The following LBR variants were observed in gnomAD, a reference collection of about 807,000 sequenced individuals.
LBR encodes lamin B receptor, also known as delta(14)-sterol reductase LBR.
LBR carries 28 observed loss-of-function variants against 74.3 expected under a neutral mutation model. That is an observed-to-expected ratio of 0.38 (90% confidence interval 0.28 to 0.52). The LOEUF (loss-of-function observed/expected upper bound fraction) is 0.52, where lower values mean the gene tolerates loss of function less well. Among genes scored for constraint, LBR ranks in the 20% least tolerant of loss-of-function variants. The probability of loss-of-function intolerance (pLI) is 0.89; values close to 1 mark genes in which losing one functional copy is unlikely to be tolerated. For synonymous variants in LBR, 228 were observed against 269.3 expected, an observed-to-expected ratio of 0.85 and a Z score of 1.50; for missense variants, 717 against 760.3, an observed-to-expected ratio of 0.94 and a Z score of 0.67.
chr1:225,425,540 G>T (rs2096137474), intron 1 of LBR, among the ~76,000 whole-genome samples: 1 of 152,084 alleles, frequency 6.6e-6, no homozygotes, highest in African/African-American at 2.4e-5. Flanking sequence ...GTCACCCGAG[G>T]GGCACTTAGG....
In LBR at chr1:225,412,585, T is replaced by A; in HGVS notation, c.953A>T (p.Glu318Val). The A allele has an allele frequency of 6.2e-7, 1 of 1,612,556 alleles. No homozygotes were observed. The highest frequency in any genetic ancestry group is 8.5e-7 in the Non-Finnish European group (1 of 1,179,812). ...AAAATGACTGTACACGTAATGAAAC[T>A]CTACGCCCTGGAAGAGAGATGTTCC... ...VIGTSLFQGV[E>V]FHYVYSHFLQ... Residue 318 changes from glutamate to valine, a missense_variant, in exon 8 of 14, where the codon GAG becomes GTG. Glu to Val is a moderately radical substitution (Grantham distance 121). Transcript: ENST00000272163.
Position 225,422,182 on chromosome 1 carries a change from A to G in LBR, c.261T>C (p.Pro87=), listed in dbSNP as rs1056608. The G allele has an allele frequency of 0.77, 1,237,784 of 1,613,514 alleles. 482,348 individuals carry two copies. Among genetic ancestry groups the G allele is most frequent in the East Asian group, 0.91 (40,665 of 44,880 alleles). The change falls in exon 3 of 14, where the codon CCT becomes CCC. Residue 87 remains proline (P), a synonymous_variant. Transcript: ENST00000272163. The part of the protein sequence containing the change: ...GSRSRSRSRS[P]GRPPKSARRS... ...GGCGGGCACTTTTAGGTGGTCGACC[A>G]GGGGATCGGGAGCGTGACCTTGATC...
intron 7 of LBR, chr1:225,414,201 G>A (rs1380252217): frequency 6.6e-6 from 3 of 451,504 alleles, no homozygotes; most frequent in Non-Finnish European, 1.3e-5. Flanking sequence ...CTGGAGCTGG[G>A]GGAGACGTTT....
At chr1:225,416,936 T>C (rs543936066) in intron 6 of LBR, among the ~76,000 whole-genome samples, 2 of 152,284 alleles carry the variant, frequency 1.3e-5, no homozygotes, top group African/African-American at 4.8e-5. Context: ...TTTTGGTATG[T>C]ACAGGAGGTC....
In LBR at chr1:225,424,017, G is replaced by A. The variant is rs1190304682; in HGVS notation, c.59C>T (p.Ser20Leu). ...EVVRGRWPGS[S>L]LYYEVEILSH... ...CAGAATTTCTACTTCATAATAAAGT[G>A]AACTCCCAGGCCATCGACCTCTTAC... The change falls in exon 2 of 14, where the codon TCA becomes TTA. Residue 20 changes from serine to leucine, a missense_variant. Physicochemically the swap from Ser to Leu is moderately radical, Grantham distance 145. Transcript: ENST00000272163. 4 of 1,614,004 alleles carry A rather than the reference G, an allele frequency of 2.5e-6. No individual in the cohort carries two copies. The highest frequency in any genetic ancestry group is 2.5e-6 in the Non-Finnish European group (3 of 1,179,900).
At chr1:225,423,823 G>A (rs776305795) in intron 2 of LBR, 88 bp downstream of exon 2, 3 of 1,307,076 alleles carry the variant, frequency 2.3e-6, no homozygotes, top group Non-Finnish European at 2.2e-6. Flanking sequence ...AAACCGAGCT[G>A]AACTGACTAT....
chr1:225,422,999 A>G (rs1575231114), intron 2 of LBR, among the ~76,000 whole-genome samples: 1 of 152,226 alleles, frequency 6.6e-6, no homozygotes, highest in East Asian at 1.9e-4. Flanking sequence ...CCGCTCCCAT[A>G]AAGTCTAAAA....
In LBR at chr1:225,403,135, C is replaced by A; in HGVS notation, c.*168G>T. On this transcript the variant is annotated 3_prime_UTR_variant, in exon 14 of 14. Coordinates refer to ENST00000272163, the MANE Select transcript of LBR (RefSeq NM_002296.4). ...AACTGTAAGTTAATACAAGTAAACA[C>A]GGCTATATTAAAAGATCAACTACTC... 1.6e-6 allele frequency: 1 copy of A among 625,162 alleles called. No homozygotes were observed. Among genetic ancestry groups the A allele is most frequent in the Non-Finnish European group, 2.8e-6 (1 of 355,514 alleles). The allele number at this position is 625,162 out of a possible 1,614,324, so 38.7% of individuals were successfully genotyped here.
chr1:225,412,438 A>G lies in LBR; in HGVS notation c.1084+16T>C, dbSNP rs372095362. The G allele has an allele frequency of 1.5e-5, 25 of 1,613,278 alleles. No homozygotes were observed. The highest frequency in any genetic ancestry group is 2.7e-5 in the African/African-American group (2 of 74,892). ...CTGGGACGCATTCATCCAACATGCA[A>G]TTCATCACTGCTCACCAGAGCTGGC... On this transcript the variant is annotated intron_variant, in intron 8 of 13. Transcript: ENST00000272163.
chr1:225,406,025 C>G (rs1024777702), intron 11 of LBR, among the ~76,000 whole-genome samples: 12 of 152,180 alleles, frequency 7.9e-5, no homozygotes, highest in Non-Finnish European at 1.6e-4. Context: ...TGGTGGACCG[C>G]AGCTGCAGCC....
At chr1:225,417,877 G>A (rs2096120424) in intron 6 of LBR, 107 bp downstream of exon 6, 1 of 997,366 alleles carries the variant, frequency 1.0e-6, no homozygotes, top group Non-Finnish European at 1.6e-6. Context: ...CAGCGACTCA[G>A]GAGGCTGCGG....
rs1306910591 is a variant in LBR, at chr1:225,411,543, G to C, written c.1085-103C>G. On this transcript the variant is annotated intron_variant, in intron 8 of 13. Coordinates refer to ENST00000272163, the MANE Select transcript of LBR (RefSeq NM_002296.4). ...ATCCAGGCTCACAATTCCACTGCCT[G>C]CAAGACCCTGAGCAGGGCTCTGGTG... 4.8e-6 allele frequency: 4 copies of C among 838,166 alleles called. No individual in the cohort carries two copies. In the African/African-American group the frequency reaches 6.7e-5, roughly 14 times the overall value. 51.9% of individuals were successfully genotyped at this position (838,166 alleles called of 1,614,324 possible). A position where few individuals can be genotyped will look rare whatever the true frequency, so the allele number is the denominator to read the frequency against.
chr1:225,417,948 T>A (rs1378174698), intron 6 of LBR, 36 bp downstream of exon 6: 1 of 1,592,620 alleles, frequency 6.3e-7, no homozygotes. Context: ...TGAGACCTCA[T>A]CTTATTAAAA....
At chr1:225,428,745 G>A (rs1326818328), upstream of LBR, 1 of 152,192 alleles carries the variant, frequency 6.6e-6, no homozygotes, top group Non-Finnish European at 1.5e-5. Context: ...AGATGCTGTC[G>A]AGATGCAGTA....
At chr1:225,421,782 T>C (rs2096127850) in intron 3 of LBR, among the ~76,000 whole-genome samples, 1 of 152,246 alleles carries the variant, frequency 6.6e-6, no homozygotes, top group Non-Finnish European at 1.5e-5. Flanking sequence ...TGAACTTTTA[T>C]ACACTGTAAA....
chr1:225,409,616 A>C (rs575938753), intron 10 of LBR, among the ~76,000 whole-genome samples: 3 of 152,362 alleles, frequency 2.0e-5, no homozygotes, highest in Non-Finnish European at 4.4e-5. Context: ...TAGAGTTGGA[A>C]TTTGGAGATA....
chr1:225,426,244 G>A (rs753910063), intron 1 of LBR, among the ~76,000 whole-genome samples: 1 of 152,192 alleles, frequency 6.6e-6, no homozygotes, highest in Non-Finnish European at 1.5e-5. Flanking sequence ...TGTCAAACGT[G>A]AGGATACAGT....
In LBR at chr1:225,419,401, G is replaced by C. The variant is rs1457364634; in HGVS notation, c.502C>G (p.Leu168Val). Residue 168 changes from leucine to valine, a missense_variant, in exon 5 of 14, where the codon CTT becomes GTT. Physicochemically the swap from Leu to Val is conservative, Grantham distance 32. Coordinates refer to ENST00000272163, the MANE Select transcript of LBR (RefSeq NM_002296.4). ...ESSYIATQYS[L>V]RPRREEVKLK... ...TTGACTTCTTCTCTTCTTGGACGAAGGCTATACTGTGTTGCTATGTAACTG... is the reference window on the plus strand; with the variant it reads ...TTGACTTCTTCTCTTCTTGGACGAACGCTATACTGTGTTGCTATGTAACTG... 1 of 1,613,720 alleles carries C rather than the reference G, an allele frequency of 6.2e-7. No individual in the cohort carries two copies. Among genetic ancestry groups the C allele is most frequent in the Non-Finnish European group, 8.5e-7 (1 of 1,179,690 alleles).
In LBR at chr1:225,404,500, C is replaced by G; in HGVS notation, c.1591G>C (p.Gly531Arg). ...AHLKTIHTST[G>R]KNLLVSGWWG... Reference sequence around the variant, plus strand: ...CATCCAGAAACTAGAAGATTTTTTCCCGTTGAAGTATGAATGGTTTTTAAA... The same window carrying G: ...CATCCAGAAACTAGAAGATTTTTTCGCGTTGAAGTATGAATGGTTTTTAAA... Residue 531 changes from glycine to arginine, a missense_variant, in exon 13 of 14, where the codon GGA (glycine) becomes CGA (arginine). Coordinates refer to ENST00000272163, the MANE Select transcript of LBR (RefSeq NM_002296.4). The G allele has an allele frequency of 6.2e-7, 1 of 1,612,908 alleles. No individual in the cohort carries two copies. Among genetic ancestry groups the G allele is most frequent in the Non-Finnish European group, 8.5e-7 (1 of 1,179,124 alleles).
Sources: gnomAD v4.1 joint callset for allele counts (sites outside exome capture counted in the v4.1 genomes callset) on GRCh38, gnomAD v4.1.1 for gene constraint, MANE v1.5 for transcripts, NCBI Gene and HGNC (gene_info 2026-07-23, HGNC 2026-07-21) for gene names.